C3orf20: variants seen among roughly 807,000 people sequenced by gnomAD.
The protein encoded by C3orf20 is family with sequence similarity 149 member C.
A neutral mutation model predicts 88.3 loss-of-function variants in C3orf20; 76 were observed. The ratio of observed to expected loss-of-function variants is 0.86; its 90% confidence interval spans 0.72 to 1.04. C3orf20 has a LOEUF of 1.04. Ranked by LOEUF, C3orf20 falls within the 50% of genes least tolerant of loss-of-function variation. The pLI, the probability that C3orf20 is intolerant of heterozygous loss-of-function variation, is 0.00. For missense variants in C3orf20, 1,056 were observed against 1,123.3 expected (o/e 0.94, Z 0.86); for synonymous variants, 436 against 437.4 (o/e 1.00, Z 0.04).
intron 12 of C3orf20, among the ~76,000 whole-genome samples, chr3:14,742,901 A>G (rs1360451911): frequency 6.6e-6 from 1 of 152,036 alleles, no homozygotes; most frequent in Non-Finnish European, 1.5e-5. Flanking sequence ...AGACCAGCCC[A>G]CGTGATTCAA....
At chr3:14,682,377 G>A in intron 2 of C3orf20, 46 bp downstream of exon 2, 1 of 230,604 alleles carries the variant, frequency 4.3e-6, no homozygotes, top group East Asian at 9.4e-5. Context: ...CATTCCTCCA[G>A]CCCCCCCAGG....
At chr3:14,748,929 G>A (rs1475018220) in intron 12 of C3orf20, among the ~76,000 whole-genome samples, 1 of 152,150 alleles carries the variant, frequency 6.6e-6, no homozygotes, top group African/African-American at 2.4e-5. Flanking sequence ...GTTTTGCGGT[G>A]CTTGGATCAA....
chr3:14,703,046 G>T, intron 5 of C3orf20, 84 bp from the exon 6 acceptor site: 1 of 1,497,900 alleles, frequency 6.7e-7, no homozygotes, highest in Non-Finnish European at 9.2e-7. Flanking sequence ...TTGACTCCAG[G>T]TCTCACATCC....
chr3:14,729,264 T>C (rs1022815018), intron 12 of C3orf20, among the ~76,000 whole-genome samples: 4 of 152,108 alleles, frequency 2.6e-5, no homozygotes, highest in Non-Finnish European at 5.9e-5. Flanking sequence ...GGAAGGCAGT[T>C]CTCAGGAGAT....
Position 14,768,776 on chromosome 3 carries a change from T to A in C3orf20, c.2496-3291T>A, listed in dbSNP as rs2035788153. Among the ~76,000 whole-genome samples, 1 of 152,070 alleles carries A rather than the reference T, an allele frequency of 6.6e-6. No individual in the cohort carries two copies. The highest frequency in any genetic ancestry group is 1.5e-5 in the Non-Finnish European group (1 of 68,024). On this transcript the variant is annotated intron_variant, in intron 15 of 16. Coordinates refer to ENST00000253697, the MANE Select transcript of C3orf20 (RefSeq NM_032137.5). The surrounding 1 kb of genome is among the most constrained non-coding windows in gnomAD (Gnocchi z 4.1). ...GTGGGCTCCACACCCGACAAGGGCC[T>A]GTTCTTGTGGATGCTTTTCCTTTTC...
At position 14,720,120 on chromosome 3, in the gene C3orf20, C is replaced by T. The variant is rs537457085; in HGVS notation, c.1435-1533C>T. ...TCTCAGCTCACTGCAAGCTCTGCCT[C>T]CCGGGTTCATGCCATTCTCCTGCCT... On this transcript the variant is annotated intron_variant, in intron 9 of 16. Coordinates refer to ENST00000253697, the MANE Select transcript of C3orf20 (RefSeq NM_032137.5). Among the ~76,000 whole-genome samples, 28 of 152,258 alleles carry T rather than the reference C, an allele frequency of 1.8e-4. No individual in the cohort carries two copies. The South Asian group carries it at 3.3e-3, about 18-fold the overall frequency.
intron 12 of C3orf20, among the ~76,000 whole-genome samples, chr3:14,752,391 C>T (rs1280602158): frequency 6.6e-6 from 1 of 152,136 alleles, no homozygotes; most frequent in African/African-American, 2.4e-5. Context: ...TAGAAGAAAA[C>T]CTAGACAATA....
chr3:14,678,589 C>T (rs932528193), intron 1 of C3orf20, among the ~76,000 whole-genome samples: 48 of 152,210 alleles, frequency 3.2e-4, no homozygotes, highest in Admixed American at 3.1e-3. Context: ...GAAGGTGCTG[C>T]GTCCATGGTC....
chr3:14,721,920 A>G (rs2034177027), intron 10 of C3orf20, 136 bp downstream of exon 10: 5 of 1,067,512 alleles, frequency 4.7e-6, no homozygotes, highest in Admixed American at 2.6e-5. Flanking sequence ...CTCTGCCATT[A>G]TTCACCACCT....
At chr3:14,745,947 T>C (rs1250442156) in intron 12 of C3orf20, among the ~76,000 whole-genome samples, 1 of 152,202 alleles carries the variant, frequency 6.6e-6, no homozygotes, top group Non-Finnish European at 1.5e-5. Context: ...CAGAACTTTT[T>C]TAAATCACCC....
At chr3:14,750,190 T>C (rs1313893232) in intron 12 of C3orf20, among the ~76,000 whole-genome samples, 1 of 152,124 alleles carries the variant, frequency 6.6e-6, no homozygotes, top group African/African-American at 2.4e-5. Context: ...CTCCCTTAGC[T>C]TTTGTTTGTC....
intron 10 of C3orf20, chr3:14,722,018 A>G: frequency 2.0e-6 from 1 of 491,780 alleles, no homozygotes; most frequent in Admixed American, 3.6e-5. Flanking sequence ...GGACTAGCTT[A>G]AGCATGAAAA....
At chr3:14,733,966 C>T (rs1432378312) in intron 12 of C3orf20, among the ~76,000 whole-genome samples, 5 of 152,206 alleles carry the variant, frequency 3.3e-5, no homozygotes, top group African/African-American at 7.2e-5. Context: ...GGATTATAGG[C>T]GTGAGCCACT....
At position 14,768,617 on chromosome 3, in the gene C3orf20, G is replaced by A. The variant is rs982572769; in HGVS notation, c.2496-3450G>A. 2.6e-5 allele frequency among the ~76,000 whole-genome samples: 4 copies of A among 151,972 alleles called. No individual in the cohort carries two copies. The highest frequency in any genetic ancestry group is 4.4e-5 in the Non-Finnish European group (3 of 68,022). On this transcript the variant is annotated intron_variant, in intron 15 of 16. Coordinates refer to ENST00000253697, the MANE Select transcript of C3orf20 (RefSeq NM_032137.5). This position sits in a 1 kb window ranked among gnomAD's most constrained non-coding sequence, Gnocchi z 4.1. Reference sequence around the variant, plus strand: ...GCTTGTCACAGCAGCAGACAGTAACGACGGATGAGGATGGTGTTAAAACTA... The same window carrying A: ...GCTTGTCACAGCAGCAGACAGTAACAACGGATGAGGATGGTGTTAAAACTA...
chr3:14,689,359 T>G (rs1333865047), intron 4 of C3orf20, among the ~76,000 whole-genome samples: 1 of 152,160 alleles, frequency 6.6e-6, no homozygotes, highest in Non-Finnish European at 1.5e-5. Context: ...TGAATTTGAG[T>G]GAGCTGTGAT....
intron 9 of C3orf20, among the ~76,000 whole-genome samples, chr3:14,719,072 T>C (rs562736246): frequency 1.3e-5 from 2 of 151,956 alleles, no homozygotes; most frequent in African/African-American, 4.8e-5. Context: ...GAATTTTGAC[T>C]CCTCTTCAAA....
chr3:14,732,877 A>T (rs374865318), intron 12 of C3orf20, among the ~76,000 whole-genome samples: 1 of 70,016 alleles, frequency 1.4e-5, no homozygotes, highest in African/African-American at 4.6e-5. Context: ...ATTTTTATAT[A>T]AGGTATAGTG....
chr3:14,762,941 C>T (rs747450249), intron 15 of C3orf20, among the ~76,000 whole-genome samples: 3 of 152,206 alleles, frequency 2.0e-5, no homozygotes, highest in Admixed American at 6.5e-5. Flanking sequence ...GCGGGGAAGG[C>T]AGGCCCAGGA....
Position 14,728,515 on chromosome 3 carries a change from T to C in C3orf20, c.1767T>C (p.His589=). ...FVRFKMRSRT[H]PERLPKLSLY... ...GGTTCAAGATGAGATCCAGAACTCATCCCGAGCGGCTCCCCAAGCTAAGTT... is the reference window on the plus strand; with the variant it reads ...GGTTCAAGATGAGATCCAGAACTCACCCCGAGCGGCTCCCCAAGCTAAGTT... Residue 589 remains histidine, a synonymous_variant, in exon 12 of 17, where the codon CAT becomes CAC. Transcript: ENST00000253697. 1 of 1,614,188 alleles carries C rather than the reference T, an allele frequency of 6.2e-7. No homozygotes were observed. Among genetic ancestry groups the C allele is most frequent in the Non-Finnish European group, 8.5e-7 (1 of 1,180,040 alleles).
Sources: gnomAD v4.1 joint callset for allele counts (sites outside exome capture counted in the v4.1 genomes callset) on GRCh38, gnomAD v4.1.1 for gene constraint, Gnocchi (gnomAD v3.1) non-coding constraint, MANE v1.5 for transcripts, NCBI Gene and HGNC (gene_info 2026-07-23, HGNC 2026-07-21) for gene names.